The following COL25A1 variants were observed in gnomAD, a reference collection of about 807,000 sequenced individuals.
The protein encoded by COL25A1 is collagen alpha-1(XXV) chain.
COL25A1 carries 103 observed loss-of-function variants against 128.4 expected under a neutral mutation model. The ratio of observed to expected loss-of-function variants is 0.80; its 90% CI spans 0.68 to 0.94. The LOEUF is 0.94. Ranked by LOEUF, COL25A1 falls within the 40% of genes least tolerant of loss-of-function variation. The pLI is 0.00. For missense variants in COL25A1, 745 were observed against 840.0 expected, an observed-to-expected ratio of 0.89 and a Z score of 1.40; for synonymous variants, 279 against 277.2, an observed-to-expected ratio of 1.01 and a Z score of -0.06.
rs1731009006 is a variant in COL25A1 at position 108,813,927 on chromosome 4, T to C, written c.1965A>G (p.Ter655TrpextTer1). 6.3e-7 allele frequency: 1 copy of C among 1,593,678 alleles called. No homozygotes were observed. Among genetic ancestry groups the C allele is most frequent in the Non-Finnish European group, 8.6e-7 (1 of 1,163,092 alleles). The change falls in exon 38 of 38, where the codon TGA becomes TGG. Residue 655 changes from the stop codon to tryptophan, a stop_lost and splice_region_variant. Coordinates refer to ENST00000399132, the MANE Select transcript of COL25A1 (RefSeq NM_198721.4). ...CTTCATGCTTGAAAGGTTAGATTCATCACTGCAGAAAAAGACAACAAAAAG... is the reference window on the plus strand; with the variant it reads ...CTTCATGCTTGAAAGGTTAGATTCACCACTGCAGAAAAAGACAACAAAAAG... ...GLPMPGCWQK[*>W]
At position 108,873,565 on chromosome 4, in the gene COL25A1, CAGT is replaced by C. The variant is rs1386769401; in HGVS notation, c.1021-4418_1021-4416del. 7.0e-3 allele frequency among the ~76,000 whole-genome samples: 1,021 copies of C among 145,830 alleles called. 7 individuals carry two copies. Among genetic ancestry groups the C allele is most frequent in the East Asian group, 0.018 (89 of 4,896 alleles). On this transcript the variant is annotated intron_variant, in intron 19 of 37. Transcript: ENST00000399132. ...GTAGTAGTAGTAGTAGTAGTAGCAGCAGTAGCAGCAGTAGCAGTAGTAGTAGTA... is the reference window on the plus strand; with the variant it reads ...GTAGTAGTAGTAGTAGTAGTAGCAGCAGCAGCAGTAGCAGTAGTAGTAGTA...
intron 3 of COL25A1, among the ~76,000 whole-genome samples, chr4:109,191,480 G>A (rs765163463): frequency 3.2e-4 from 49 of 152,148 alleles, no homozygotes; most frequent in Non-Finnish European, 6.2e-4. Flanking sequence ...GGGCTTAGCA[G>A]CCCACTGTTT....
At chr4:108,926,801 T>C (rs933864279) in intron 11 of COL25A1, among the ~76,000 whole-genome samples, 6 of 151,954 alleles carry the variant, frequency 3.9e-5, no homozygotes, top group African/African-American at 1.4e-4. Flanking sequence ...AAACATAAAC[T>C]CTAGCCACTA....
At chr4:108,853,037 C>G in intron 24 of COL25A1, 112 bp from the exon 25 acceptor site, 1 of 876,852 alleles carries the variant, frequency 1.1e-6, no homozygotes. Context: ...AGTCTGATAT[C>G]TTAAAAGGAT....
intron 8 of COL25A1, chr4:108,942,330 G>A: frequency 6.9e-7 from 1 of 1,458,474 alleles, no homozygotes; most frequent in Non-Finnish European, 9.4e-7. Context: ...CATTTCACTA[G>A]GGGACAAACA....
intron 3 of COL25A1, among the ~76,000 whole-genome samples, chr4:109,210,050 C>CAA (rs1279307600): frequency 1.8e-5 from 2 of 112,712 alleles, no homozygotes; most frequent in Non-Finnish European, 1.9e-5. Flanking sequence ...GACTTCATCT[C>CAA]AAAAAAAAAA....
In COL25A1 at chr4:108,819,295, G is replaced by A; in HGVS notation, c.1880C>T (p.Pro627Leu). 1 of 1,613,476 alleles carries A rather than the reference G, an allele frequency of 6.2e-7. No individual in the cohort carries two copies. The highest frequency in any genetic ancestry group is 8.5e-7 in the Non-Finnish European group (1 of 1,179,802). ...FRGVKGEKGE[P>L]GQPGLDGLDA... ...CAGCCCATCCAGGCCAGGCTGGCCT[G>A]GCTCCCCTTTTTCCCCCTTAACGCC... is the stretch of plus-strand genomic sequence containing the variant. Residue 627 changes from proline to leucine, a missense_variant, in exon 36 of 38, where the codon CCA (proline) becomes CTA (leucine). By Grantham distance (98) the Pro-to-Leu change is moderately conservative. This residue lies in a region of COL25A1 where 387 missense variants were observed against 441.9 expected (regional missense o/e 0.88). Transcript: ENST00000399132.
In COL25A1 at chr4:109,063,800, C is replaced by A. The variant is rs117440993; in HGVS notation, c.368-13621G>T. The stretch of plus-strand genomic sequence containing the variant: ...AAGCCCCGTCCAGATTATTAAAGTC[C>A]TCAAATGGCAGGAGAAAAAGTTAAG... On this transcript the variant is annotated intron_variant, in intron 3 of 37. Transcript: ENST00000399132. Among the ~76,000 whole-genome samples the A allele has an allele frequency of 2.1e-4, 32 of 152,194 alleles. 1 individual carries two copies. The East Asian group carries it at 6.2e-3, about 29-fold the overall frequency.
chr4:109,252,111 A>G (rs779853874), intron 3 of COL25A1, among the ~76,000 whole-genome samples: 24 of 152,378 alleles, frequency 1.6e-4, no homozygotes, highest in Non-Finnish European at 2.5e-4. Context: ...AAGACATTCT[A>G]TAAGTCCATG....
chr4:109,284,909 A>C (rs1723727956), intron 3 of COL25A1, among the ~76,000 whole-genome samples: 1 of 151,856 alleles, frequency 6.6e-6, no homozygotes, highest in African/African-American at 2.4e-5. Flanking sequence ...AAAAAAAAAA[A>C]CTTCAGGATT....
At chr4:109,065,377 T>C (rs935832915) in intron 3 of COL25A1, among the ~76,000 whole-genome samples, 2 of 152,176 alleles carry the variant, frequency 1.3e-5, no homozygotes, top group South Asian at 4.1e-4. Flanking sequence ...ATGTCAATTA[T>C]AATCTGGCCA....
chr4:109,241,465 C>T (rs762706481), intron 3 of COL25A1, among the ~76,000 whole-genome samples: 3 of 151,818 alleles, frequency 2.0e-5, no homozygotes, highest in African/African-American at 7.3e-5. Context: ...AGATCTATTG[C>T]TAAAAATTCT....
At chr4:108,822,666 T>C (rs1376000774) in intron 35 of COL25A1, among the ~76,000 whole-genome samples, 3 of 152,038 alleles carry the variant, frequency 2.0e-5, no homozygotes, top group Admixed American at 2.0e-4. Flanking sequence ...CCTTAAGCAG[T>C]CCTCCCACCT....
chr4:109,158,865 T>C (rs1772281531), intron 3 of COL25A1, among the ~76,000 whole-genome samples: 2 of 152,348 alleles, frequency 1.3e-5, no homozygotes, highest in African/African-American at 4.8e-5. Context: ...CATGGTTACC[T>C]TGCTCTCATT....
chr4:109,207,879 T>C (rs184923878), intron 3 of COL25A1, among the ~76,000 whole-genome samples: 36 of 152,318 alleles, frequency 2.4e-4, no homozygotes, highest in Admixed American at 1.4e-3. Context: ...GTATACTCTA[T>C]TAAAGAATTG....
At chr4:109,160,174 T>C (rs929459447) in intron 3 of COL25A1, among the ~76,000 whole-genome samples, 4 of 152,194 alleles carry the variant, frequency 2.6e-5, no homozygotes, top group African/African-American at 9.6e-5. Flanking sequence ...TACATTGCTT[T>C]TTCTAATTTA....
intron 10 of COL25A1, among the ~76,000 whole-genome samples, chr4:108,939,826 A>G (rs563207024): frequency 3.3e-5 from 5 of 152,256 alleles, no homozygotes; most frequent in Admixed American, 2.0e-4. Flanking sequence ...GGTTGCCTCT[A>G]TGAAATCAAA....
chr4:109,109,277 G>C (rs1217792778), intron 3 of COL25A1, among the ~76,000 whole-genome samples: 1 of 152,118 alleles, frequency 6.6e-6, no homozygotes, highest in Non-Finnish European at 1.5e-5. Flanking sequence ...TGGTACAACT[G>C]TCTACCCAGA....
chr4:109,229,149 C>A (rs1168020828), intron 3 of COL25A1, among the ~76,000 whole-genome samples: 1 of 149,706 alleles, frequency 6.7e-6, no homozygotes, highest in Admixed American at 6.6e-5. Context: ...GTACCCCTCT[C>A]CCCTAAAAAA....
Sources: gnomAD v4.1 joint callset for allele counts (sites outside exome capture counted in the v4.1 genomes callset) on GRCh38, gnomAD v4.1.1 for gene constraint, gnomAD v4.1.1 regional missense constraint, MANE v1.5 for transcripts, NCBI Gene and HGNC (gene_info 2026-07-23, HGNC 2026-07-21) for gene names.